The following DHX57 variants were observed in gnomAD, a reference collection of about 807,000 sequenced individuals.
DHX57 encodes the protein DExH-box helicase 57.
Under a neutral mutation model 156.2 loss-of-function variants are expected in DHX57, and 105 were observed. The ratio of observed to expected loss-of-function variants is 0.67; its 90% CI spans 0.57 to 0.79. The LOEUF (loss-of-function observed/expected upper bound fraction) is 0.79. Among genes scored for constraint, DHX57 ranks in the 30% least tolerant of loss-of-function variants. DHX57 has a pLI of 0.00. For missense variants in DHX57, 1,847 were observed against 1,661.9 expected, an observed-to-expected ratio of 1.11 and a Z score of -1.94; for synonymous variants, 704 against 595.6, an observed-to-expected ratio of 1.18 and a Z score of -2.65.
At chr2:38,868,575 A>C (rs1665199900) in intron 1 of DHX57, among the ~76,000 whole-genome samples, 164 bp from the exon 2 acceptor site, 4 of 152,196 alleles carry the variant, frequency 2.6e-5, no homozygotes, top group Admixed American at 2.6e-4. Context: ...TCCAGTGAAA[A>C]AATTTTAAAA....
chr2:38,857,961 T>C (rs115093349), intron 6 of DHX57, among the ~76,000 whole-genome samples: 1,696 of 152,350 alleles, frequency 0.011, 31 homozygotes, highest in African/African-American at 0.038. Flanking sequence ...AGGCTGGCAT[T>C]GTCTCAAGTG....
At chr2:38,873,553 AC>A (rs974316670) in intron 1 of DHX57, among the ~76,000 whole-genome samples, 7 of 152,172 alleles carry the variant, frequency 4.6e-5, no homozygotes, top group Admixed American at 6.5e-5. Flanking sequence ...TTACCACTGT[AC>A]CCTTAACACA....
chr2:38,801,996 C>A (rs1024676382), intron 23 of DHX57, among the ~76,000 whole-genome samples: 2 of 152,172 alleles, frequency 1.3e-5, no homozygotes, highest in African/African-American at 4.8e-5. Context: ...AGAATTCAGA[C>A]CCATTATCTT....
rs773943828 is a variant in DHX57 at position 38,806,613 on chromosome 2, A to G, written c.3762T>C (p.Phe1254=). ...GTACATATCCATCGTTCTTGGTGAC[A>G]AACTTCAACTCAGCTGATTTTGGTT... ...RMQPKSAELK[F]VTKNDGYVHI... is the part of the protein sequence containing the mutation. The change falls in exon 22 of 24, where the codon TTT becomes TTC. Residue 1254 remains phenylalanine, a synonymous_variant. Transcript: ENST00000457308. 61 of 1,614,182 alleles carry G rather than the reference A, an allele frequency of 3.8e-5. No homozygotes were observed. Among genetic ancestry groups the G allele is most frequent in the Non-Finnish European group, 5.2e-5 (61 of 1,180,028 alleles).
At chr2:38,816,625 C>G (rs912903689) in intron 19 of DHX57, among the ~76,000 whole-genome samples, 1 of 152,046 alleles carries the variant, frequency 6.6e-6, no homozygotes, top group Admixed American at 6.6e-5. Flanking sequence ...GCACATCAGA[C>G]AAAGAGAAGG....
At chr2:38,860,937 G>A in intron 5 of DHX57, 62 bp downstream of exon 5, 3 of 1,459,328 alleles carry the variant, frequency 2.1e-6, no homozygotes, top group Non-Finnish European at 2.8e-6. Flanking sequence ...AGCCTTAAAG[G>A]CTTTGACTTC....
At chr2:38,869,126 T>C (rs1307816093) in intron 1 of DHX57, among the ~76,000 whole-genome samples, 1 of 152,186 alleles carries the variant, frequency 6.6e-6, no homozygotes, top group Non-Finnish European at 1.5e-5. Context: ...AAAAATCCAG[T>C]TGAGAAGTTT....
At chr2:38,818,650 G>C (rs190898913) in intron 19 of DHX57, among the ~76,000 whole-genome samples, 1 of 152,242 alleles carries the variant, frequency 6.6e-6, no homozygotes, top group East Asian at 1.9e-4. Context: ...TTCCGCATAA[G>C]TAAACAAAAA....
intron 20 of DHX57, among the ~76,000 whole-genome samples, chr2:38,814,645 C>CTAT (rs538097664): frequency 7.2e-5 from 11 of 151,986 alleles, no homozygotes; most frequent in Non-Finnish European, 1.2e-4. Flanking sequence ...TACTGGAAGT[C>CTAT]TATTCTATCT....
At chr2:38,868,544 G>T in intron 1 of DHX57, 133 bp from the exon 2 acceptor site, 1 of 944,670 alleles carries the variant, frequency 1.1e-6, no homozygotes, top group East Asian at 2.5e-5. Context: ...AGCTGGTCTT[G>T]GGGCAGGATT....
intron 23 of DHX57, among the ~76,000 whole-genome samples, chr2:38,801,622 T>C (rs926104198): frequency 2.0e-5 from 3 of 151,582 alleles, no homozygotes; most frequent in African/African-American, 7.3e-5. Context: ...GAGATGGAGT[T>C]TCCCTCTTGT....
At chr2:38,842,106 C>G (rs76281927) in intron 12 of DHX57, among the ~76,000 whole-genome samples, 1 of 152,154 alleles carries the variant, frequency 6.6e-6, no homozygotes, top group South Asian at 2.1e-4. Flanking sequence ...GCCAACACCA[C>G]GGGGCCCATG....
chr2:38,818,172 C>T (rs764163884), intron 19 of DHX57, among the ~76,000 whole-genome samples: 3 of 152,134 alleles, frequency 2.0e-5, no homozygotes, highest in Non-Finnish European at 4.4e-5. Context: ...CAGAATAATG[C>T]ACATATGTAT....
rs202149692 is a variant in DHX57 at position 38,818,964 on chromosome 2, A to G, written c.3388-4T>C. The G allele has an allele frequency of 3.8e-5, 61 of 1,614,156 alleles. No individual in the cohort carries two copies. The South Asian group carries it at 6.5e-4, about 17-fold the overall frequency. On this transcript the variant is annotated splice_region_variant and splice_polypyrimidine_tract_variant and intron_variant, in intron 18 of 23. Coordinates refer to ENST00000457308, the MANE Select transcript of DHX57 (RefSeq NM_198963.3). ...CTTTTGTACTTAGCTGCCATCCCTA[A>G]ATTTTGGAGAAAATCAAACTGAACT...
At chr2:38,860,447 C>T (rs955747080) in intron 5 of DHX57, among the ~76,000 whole-genome samples, 20 of 151,908 alleles carry the variant, frequency 1.3e-4, no homozygotes, top group Admixed American at 1.0e-3. Context: ...GAAACTCCAT[C>T]TTAAAAAAAT....
chr2:38,863,047 A>C (rs3112165), intron 3 of DHX57: 177,913 of 213,652 alleles, frequency 0.83, 77,546 homozygotes, highest in East Asian at 0.98. Flanking sequence ...ATATTTGCTC[A>C]TTCAACACTA....
intron 13 of DHX57, among the ~76,000 whole-genome samples, chr2:38,830,648 A>G (rs1671333146): frequency 6.6e-6 from 1 of 151,786 alleles, no homozygotes; most frequent in Non-Finnish European, 1.5e-5. Flanking sequence ...AAAAAAAAGA[A>G]GGCTACTAGT....
At chr2:38,816,134 A>C (rs1346379927) in intron 19 of DHX57, 2 of 471,330 alleles carry the variant, frequency 4.2e-6, no homozygotes, top group Admixed American at 4.7e-5. Context: ...GGAACTCAGC[A>C]GAATGTTTCC....
chr2:38,800,809 C>T (rs965772968), intron 23 of DHX57, among the ~76,000 whole-genome samples: 1 of 152,148 alleles, frequency 6.6e-6, no homozygotes, highest in African/African-American at 2.4e-5. Flanking sequence ...CCTTCTTGAC[C>T]TGGACTATCC....
Sources: gnomAD v4.1 joint callset for allele counts (sites outside exome capture counted in the v4.1 genomes callset) on GRCh38, gnomAD v4.1.1 for gene constraint, MANE v1.5 for transcripts, NCBI Gene and HGNC (gene_info 2026-07-23, HGNC 2026-07-21) for gene names.